The following VPS41 variants were observed in gnomAD, a reference collection of about 807,000 sequenced individuals.
VPS41 encodes the protein vacuolar protein sorting-associated protein 41 homolog.
Under a neutral mutation model 130.9 loss-of-function variants are expected in VPS41, and 85 were observed. That is an observed-to-expected ratio of 0.65 (90% CI 0.55 to 0.78). The LOEUF (loss-of-function observed/expected upper bound fraction) is 0.78. Ranked by LOEUF, VPS41 falls within the 30% of genes least tolerant of loss-of-function variation. VPS41 has a pLI of 0.00. For synonymous variants in VPS41, 335 were observed against 332.9 expected (o/e 1.01, Z -0.07); for missense variants, 874 against 1,018.7 (o/e 0.86, Z 1.93).
At position 38,758,359 on chromosome 7, in the gene VPS41, T is replaced by C; in HGVS notation, c.1545A>G (p.Ala515=). ...AAACACTTAAGTATACTCACAATTC[T>C]GCCAGGGTTTTAAGTAAAGTCTTGT... ...SQNKTLLKTL[A]ELYTYDKNYG... The change falls in exon 18 of 29, where the codon GCA becomes GCG. Residue 515 remains alanine, a synonymous_variant. Coordinates refer to ENST00000310301, the MANE Select transcript of VPS41 (RefSeq NM_014396.4). The C allele has an allele frequency of 3.1e-6, 5 of 1,607,924 alleles. No homozygotes were observed. The highest frequency in any genetic ancestry group is 4.2e-6 in the Non-Finnish European group (5 of 1,178,268).
At chr7:38,728,419 T>C (rs768308514) in intron 27 of VPS41, 123 bp downstream of exon 27, 2 of 1,095,354 alleles carry the variant, frequency 1.8e-6, no homozygotes, top group South Asian at 2.6e-5. Flanking sequence ...ACAACACTTC[T>C]CTCCACTGGG....
chr7:38,831,400 G>A (rs551417863), intron 4 of VPS41: 114 of 362,002 alleles, frequency 3.1e-4, no homozygotes, highest in African/African-American at 2.2e-3. Context: ...AGTGTTCAAC[G>A]ACTACATGTG....
At chr7:38,904,530 G>C (rs73696322) in intron 1 of VPS41, among the ~76,000 whole-genome samples, 1 of 152,104 alleles carries the variant, frequency 6.6e-6, no homozygotes, top group Non-Finnish European at 1.5e-5. Flanking sequence ...TTGTGCATAC[G>C]TAAGCCAAGT....
chr7:38,774,348 T>C, intron 11 of VPS41, 104 bp from the exon 12 acceptor site: 1 of 1,074,590 alleles, frequency 9.3e-7, no homozygotes, highest in Non-Finnish European at 1.2e-6. Context: ...CACACTCCTA[T>C]GAAGAAATAC....
intron 4 of VPS41, among the ~76,000 whole-genome samples, chr7:38,836,058 T>C (rs1262888209): frequency 6.6e-6 from 1 of 152,072 alleles, no homozygotes; most frequent in African/African-American, 2.4e-5. Flanking sequence ...GTAAAATATG[T>C]GTCCTTCAAA....
Position 38,743,524 on chromosome 7 carries a change from CGGCTAT to C in VPS41, c.1994_1999del (p.Asn665_Ser666del), listed in dbSNP as rs1562568386. The C allele has an allele frequency of 6.2e-7, 1 of 1,613,760 alleles. No homozygotes were observed. Among genetic ancestry groups the C allele is most frequent in the Non-Finnish European group, 8.5e-7 (1 of 1,179,792 alleles). ...CTCCATAATCATCTTCAGGGCACTT[CGGCTAT>C]TACCCATTCGGCCTTGGTGGGGTGA... On this transcript the variant is annotated inframe_deletion, in exon 24 of 29. Transcript: ENST00000310301.
chr7:38,762,799 C>T (rs1461536229), intron 17 of VPS41, among the ~76,000 whole-genome samples: 3 of 152,076 alleles, frequency 2.0e-5, no homozygotes, highest in Non-Finnish European at 2.9e-5. Flanking sequence ...TATTTACAAC[C>T]TCCTTAACAG....
intron 2 of VPS41, among the ~76,000 whole-genome samples, chr7:38,891,373 G>A (rs1169873266): frequency 6.6e-6 from 1 of 152,128 alleles, no homozygotes; most frequent in African/African-American, 2.4e-5. Context: ...TGATAATATG[G>A]CCTTGTATGC....
chr7:38,771,325 G>T, intron 13 of VPS41, 71 bp from the exon 14 acceptor site: 4 of 1,105,468 alleles, frequency 3.6e-6, no homozygotes, highest in Non-Finnish European at 5.3e-6. Flanking sequence ...AATGGGAGAA[G>T]GTGGGAGAGA....
chr7:38,743,285 T>C (rs1263863716), intron 24 of VPS41, 117 bp downstream of exon 24: 3 of 1,141,870 alleles, frequency 2.6e-6, no homozygotes, highest in Non-Finnish European at 3.7e-6. Context: ...CTATTTTTAT[T>C]GTAGGTACGC....
intron 7 of VPS41, among the ~76,000 whole-genome samples, chr7:38,801,076 T>G (rs1042492679): frequency 1.3e-5 from 2 of 152,250 alleles, no homozygotes; most frequent in East Asian, 3.9e-4. Context: ...GAAGCAGAGG[T>G]GGCAGAACTC....
chr7:38,795,638 C>T (rs368323801), intron 8 of VPS41, 27 bp from the exon 9 acceptor site: 9 of 1,597,142 alleles, frequency 5.6e-6, no homozygotes, highest in Non-Finnish European at 7.7e-6. Flanking sequence ...CAGTAAGCAT[C>T]CTCTACTCAG....
intron 7 of VPS41, among the ~76,000 whole-genome samples, chr7:38,804,086 CCT>C (rs1265738614): frequency 1.3e-5 from 2 of 152,178 alleles, no homozygotes; most frequent in African/African-American, 4.8e-5. Flanking sequence ...CGACGGAAAA[CCT>C]CTGTGCACAA....
At chr7:38,851,759 G>C (rs962171011) in intron 4 of VPS41, among the ~76,000 whole-genome samples, 17 of 152,032 alleles carry the variant, frequency 1.1e-4, no homozygotes, top group Non-Finnish European at 2.4e-4. Context: ...TTACACTATC[G>C]TACATCCACC....
chr7:38,738,472 TAAGAACA>T (rs1353656813), intron 25 of VPS41, among the ~76,000 whole-genome samples: 3 of 152,168 alleles, frequency 2.0e-5, no homozygotes, highest in African/African-American at 7.2e-5. Context: ...AAGAAGTCTT[TAAGAACA>T]AAGATGCTGA....
chr7:38,744,513 A>C (rs1268801526), intron 23 of VPS41, among the ~76,000 whole-genome samples: 1 of 152,214 alleles, frequency 6.6e-6, no homozygotes, highest in African/African-American at 2.4e-5. Context: ...TTATTTAAAA[A>C]TGTTTACAGG....
intron 3 of VPS41, among the ~76,000 whole-genome samples, chr7:38,868,220 A>G (rs1584436239): frequency 6.6e-6 from 1 of 152,364 alleles, no homozygotes; most frequent in African/African-American, 2.4e-5. Context: ...CAGAAGTTGG[A>G]GAATGGCAGC....
intron 10 of VPS41, among the ~76,000 whole-genome samples, chr7:38,782,934 T>C (rs978985959): frequency 1.3e-5 from 2 of 150,984 alleles, no homozygotes; most frequent in Non-Finnish European, 1.5e-5. Context: ...CTGGCCACCA[T>C]GGTAAAACCC....
At chr7:38,756,307 G>A (rs1783793302) in intron 19 of VPS41, among the ~76,000 whole-genome samples, 1 of 151,360 alleles carries the variant, frequency 6.6e-6, no homozygotes, top group Non-Finnish European at 1.5e-5. Context: ...CTCATTAGGG[G>A]GCGTAAATTT....
Sources: allele counts gnomAD v4.1 joint callset (sites outside exome capture counted in the v4.1 genomes callset), GRCh38; gene constraint gnomAD v4.1.1; transcripts MANE v1.5; gene names NCBI Gene and HGNC (gene_info 2026-07-23, HGNC 2026-07-21).